The following SEPTIN9 variants were observed in gnomAD, a reference collection of about 807,000 sequenced individuals.
SEPTIN9 encodes septin 9.
Under a neutral mutation model 56.6 loss-of-function variants are expected in SEPTIN9, and 13 were observed. That is an observed-to-expected ratio of 0.23 (90% CI 0.15 to 0.37). SEPTIN9 has a LOEUF of 0.37. SEPTIN9 is among the 10% of genes least tolerant of loss of function. The pLI is 1.00. For synonymous variants in SEPTIN9, 332 were observed against 334.1 expected (o/e 0.99, Z 0.07); for missense variants, 650 against 823.1 (o/e 0.79, Z 2.57).
intron 2 of SEPTIN9, chr17:77,373,245 G>C: frequency 1.8e-6 from 2 of 1,132,930 alleles, no homozygotes; most frequent in Non-Finnish European, 2.2e-6. Flanking sequence ...CAGGGAGGCC[G>C]GTGCGGGTGC....
chr17:77,307,169 C>T lies in SEPTIN9; in HGVS notation c.48C>T (p.Leu16=). 1 of 1,613,784 alleles carries T rather than the reference C, an allele frequency of 6.2e-7. No homozygotes were observed. The highest frequency in any genetic ancestry group is 2.2e-5 in the East Asian group (1 of 44,894). Residue 16 remains leucine, a synonymous_variant, in exon 2 of 12, where the codon CTC becomes CTT. Coordinates refer to ENST00000427177, the MANE Select transcript of SEPTIN9 (RefSeq NM_001113491.2). The part of the protein sequence containing the change: ...SGGTRTSSGR[L]RRLGDSSGPA... ...GCACGCGGACCTCCAGTGGCCGGCT[C>T]CGGAGGCTTGGTGACTCCAGTGGCC...
At chr17:77,430,230 C>G (rs2037075761) in intron 3 of SEPTIN9, among the ~76,000 whole-genome samples, 1 of 152,180 alleles carries the variant, frequency 6.6e-6, no homozygotes, top group Non-Finnish European at 1.5e-5. Flanking sequence ...GCTTTCTCTG[C>G]CCGAGCCGTG....
intron 3 of SEPTIN9, chr17:77,454,122 G>C: frequency 1.0e-6 from 1 of 985,846 alleles, no homozygotes; most frequent in Non-Finnish European, 1.2e-6. Flanking sequence ...AGCTGTGGGG[G>C]CTCCTCCCCG....
chr17:77,355,676 C>T (rs115813318), intron 2 of SEPTIN9, among the ~76,000 whole-genome samples: 1,693 of 152,178 alleles, frequency 0.011, 30 homozygotes, highest in African/African-American at 0.039. Flanking sequence ...AGCAACCCTC[C>T]GCAGAGGTCT....
Position 77,434,658 on chromosome 17 carries a change from G to A in SEPTIN9, c.721+31955G>A, listed in dbSNP as rs2037273766. Among the ~76,000 whole-genome samples the A allele has an allele frequency of 6.6e-6, 1 of 152,120 alleles. No homozygotes were observed. The highest frequency in any genetic ancestry group is 2.4e-5 in the African/African-American group (1 of 41,416). ...AAGCTCACGTCCAAGGCATTTGTGG[G>A]CACCCCCGCCCCAGACGTGAGGGTT... On this transcript the variant is annotated intron_variant, in intron 3 of 11. Coordinates refer to ENST00000427177, the MANE Select transcript of SEPTIN9 (RefSeq NM_001113491.2). This position sits in a 1 kb window ranked among gnomAD's most constrained non-coding sequence, Gnocchi z 5.0.
Position 77,498,721 on chromosome 17 carries a change from C to A in SEPTIN9, c.*63C>A. On this transcript the variant is annotated 3_prime_UTR_variant, in exon 12 of 12. Coordinates refer to ENST00000427177, the MANE Select transcript of SEPTIN9 (RefSeq NM_001113491.2). ...TCATTTCCGTCCCCCCCCAGGCCCT[C>A]CCACCACCCCATTTTATTTTATATG... 1 of 894,514 alleles carries A rather than the reference C, an allele frequency of 1.1e-6. No homozygotes were observed. The highest frequency in any genetic ancestry group is 1.7e-6 in the Non-Finnish European group (1 of 571,520). 55.4% of individuals were successfully genotyped at this position (894,514 alleles called of 1,614,324 possible).
intron 3 of SEPTIN9, among the ~76,000 whole-genome samples, chr17:77,411,036 G>A (rs535020594): frequency 3.4e-4 from 51 of 150,990 alleles, no homozygotes; most frequent in Non-Finnish European, 6.5e-4. Flanking sequence ...AGTGAGCTGA[G>A]ATTGTGCCAG....
chr17:77,491,412 G>A (rs1036372483), intron 8 of SEPTIN9, among the ~76,000 whole-genome samples: 13 of 151,896 alleles, frequency 8.6e-5, no homozygotes, highest in Non-Finnish European at 1.3e-4. Context: ...TGCCCAGGCT[G>A]GTCTCTAACC....
intron 3 of SEPTIN9, among the ~76,000 whole-genome samples, chr17:77,406,292 C>T (rs2036068127): frequency 6.6e-6 from 1 of 152,212 alleles, no homozygotes; most frequent in Admixed American, 6.5e-5. Flanking sequence ...TTCCTCACAA[C>T]CCCTTTGCCC....
intron 11 of SEPTIN9, chr17:77,497,688 C>G (rs1393169184): frequency 2.2e-6 from 1 of 459,514 alleles, no homozygotes; most frequent in Non-Finnish European, 4.0e-6. Flanking sequence ...TGTGCAGGCC[C>G]TGCCGGCAGC....
At position 77,333,890 on chromosome 17, in the gene SEPTIN9, G is replaced by A. The variant is rs540919364; in HGVS notation, c.76+26693G>A. Among the ~76,000 whole-genome samples, 10 of 150,838 alleles carry A rather than the reference G, an allele frequency of 6.6e-5. No homozygotes were observed. The South Asian group carries it at 2.1e-3, about 32-fold the overall frequency. On this transcript the variant is annotated intron_variant, in intron 2 of 11. Transcript: ENST00000427177. ...TCCAAGATCCTTGTTGGTCATTTACGTATTTTCCTTTGTAAAATTATCTGT... is the reference window on the plus strand; with the variant it reads ...TCCAAGATCCTTGTTGGTCATTTACATATTTTCCTTTGTAAAATTATCTGT...
At position 77,303,820 on chromosome 17, in the gene SEPTIN9, A is replaced by T. The variant is rs113898823; in HGVS notation, c.20-3321A>T. 1.3e-3 allele frequency among the ~76,000 whole-genome samples: 194 copies of T among 152,244 alleles called. 1 individual carries two copies. Among genetic ancestry groups the T allele is most frequent in the African/African-American group, 4.4e-3 (182 of 41,536 alleles). On this transcript the variant is annotated intron_variant, in intron 1 of 11. Coordinates refer to ENST00000427177, the MANE Select transcript of SEPTIN9 (RefSeq NM_001113491.2). ...TGAGTAAGCACCATCTCTGTCCCCA[A>T]GGAAGCTGAGACTCAGGAAATGGAA...
At chr17:77,386,687 A>C (rs1230302222) in intron 2 of SEPTIN9, among the ~76,000 whole-genome samples, 1 of 152,194 alleles carries the variant, frequency 6.6e-6, no homozygotes, top group Non-Finnish European at 1.5e-5. Flanking sequence ...CCTTGCGGAC[A>C]GGTGACCACA....
intron 3 of SEPTIN9, chr17:77,454,072 T>G (rs1485640383): frequency 2.0e-6 from 2 of 985,562 alleles, no homozygotes; most frequent in African/African-American, 3.5e-5. Flanking sequence ...GGAAGAGGGC[T>G]TTATTTCAAT....
rs192741479 is a variant in SEPTIN9 at position 77,494,312 on chromosome 17, C to T, written c.1573+1236C>T. 2.5e-3 allele frequency among the ~76,000 whole-genome samples: 378 copies of T among 152,334 alleles called. 2 individuals carry two copies. The highest frequency in any genetic ancestry group is 6.7e-3 in the Admixed American group (103 of 15,304). On this transcript the variant is annotated intron_variant, in intron 10 of 11. Coordinates refer to ENST00000427177, the MANE Select transcript of SEPTIN9 (RefSeq NM_001113491.2). Reference sequence around the variant, plus strand: ...GGTGACACCCCGGGAGGGATGGGCCCGAACGTTTCCTTCCCCTTCCTCTCT... The same window carrying T: ...GGTGACACCCCGGGAGGGATGGGCCTGAACGTTTCCTTCCCCTTCCTCTCT...
At position 77,360,766 on chromosome 17, in the gene SEPTIN9, G is replaced by A. The variant is rs538345142; in HGVS notation, c.77-41293G>A. ...TTTTTAGTAGAGACGGGGTTTCACC[G>A]TGTTAGCCAGGATGGTCTCGATCTC... On this transcript the variant is annotated intron_variant, in intron 2 of 11. Coordinates refer to ENST00000427177, the MANE Select transcript of SEPTIN9 (RefSeq NM_001113491.2). 1.9e-3 allele frequency among the ~76,000 whole-genome samples: 283 copies of A among 151,922 alleles called. 1 individual carries two copies. The highest frequency in any genetic ancestry group is 6.5e-3 in the African/African-American group (269 of 41,446).
intron 1 of SEPTIN9, among the ~76,000 whole-genome samples, chr17:77,306,270 G>A (rs1381644225): frequency 1.3e-5 from 2 of 152,200 alleles, no homozygotes; most frequent in Admixed American, 6.5e-5. Flanking sequence ...ACTGTTGGTG[G>A]GACTGGGCTG....
At chr17:77,431,057 T>C (rs1252450105) in intron 3 of SEPTIN9, among the ~76,000 whole-genome samples, 1 of 150,920 alleles carries the variant, frequency 6.6e-6, no homozygotes, top group Non-Finnish European at 1.5e-5. Context: ...TGAAAAGCAA[T>C]CTTTGCTGGG....
chr17:77,311,483 G>GA (rs2032490958), intron 2 of SEPTIN9, among the ~76,000 whole-genome samples: 2 of 152,122 alleles, frequency 1.3e-5, no homozygotes, highest in South Asian at 4.1e-4. Context: ...AAGTAGGTGT[G>GA]AAAAAAGGGC....
Sources: gnomAD v4.1 joint callset for allele counts (sites outside exome capture counted in the v4.1 genomes callset) on GRCh38, gnomAD v4.1.1 for gene constraint, Gnocchi (gnomAD v3.1) non-coding constraint, MANE v1.5 for transcripts, NCBI Gene and HGNC (gene_info 2026-07-23, HGNC 2026-07-21) for gene names.